The following CSMD3 variants were observed in gnomAD, a reference collection of about 807,000 sequenced individuals.
The protein encoded by CSMD3 is CUB and sushi domain-containing protein 3.
Under a neutral mutation model 435.2 loss-of-function variants are expected in CSMD3, and 177 were observed. The ratio of observed to expected loss-of-function variants is 0.41; its 90% CI spans 0.36 to 0.46. CSMD3 has a LOEUF of 0.46. Among genes scored for constraint, CSMD3 ranks in the 20% least tolerant of loss-of-function variants. The probability of loss-of-function intolerance (pLI) is 0.34; values close to 1 mark genes in which losing one functional copy is unlikely to be tolerated. For synonymous variants in CSMD3, 1,656 were observed against 1,520.5 expected (o/e 1.09, Z -2.07); for missense variants, 4,265 against 4,504.6 (o/e 0.95, Z 1.52).
intron 32 of CSMD3, among the ~76,000 whole-genome samples, chr8:112,423,430 T>C (rs1052585326): frequency 3.3e-5 from 5 of 152,218 alleles, no homozygotes; most frequent in Non-Finnish European, 7.3e-5. Context: ...TGCAAAGCAC[T>C]GCACTAATTG....
intron 32 of CSMD3, among the ~76,000 whole-genome samples, chr8:112,452,156 T>A (rs1003955366): frequency 2.0e-5 from 3 of 152,188 alleles, no homozygotes; most frequent in African/African-American, 4.8e-5. Context: ...ATAGTTTAAA[T>A]CTTAGCAAAC....
chr8:113,156,367 T>C (rs941053050), intron 4 of CSMD3, among the ~76,000 whole-genome samples: 12 of 152,120 alleles, frequency 7.9e-5, no homozygotes, highest in African/African-American at 2.9e-4. Context: ...TTCCTTTATA[T>C]CACTCATAAT....
In CSMD3 at chr8:113,275,429, C is replaced by T. The variant is rs192922882; in HGVS notation, c.514+3163G>A. 4.4e-3 allele frequency among the ~76,000 whole-genome samples: 670 copies of T among 152,064 alleles called. 10 individuals carry two copies. Among genetic ancestry groups the T allele is most frequent in the African/African-American group, 0.014 (588 of 41,490 alleles). On this transcript the variant is annotated intron_variant, in intron 3 of 70. Coordinates refer to ENST00000297405, the MANE Select transcript of CSMD3 (RefSeq NM_198123.2). The stretch of plus-strand genomic sequence containing the variant: ...TTACAATGCATATTCCAGGGCTCCA[C>T]GGCAGAGTCTGACTCAGAATATGTA...
rs1407267014 is a variant in CSMD3, at chr8:112,472,710, A to G, written c.5279-3T>C. On this transcript the variant is annotated splice_region_variant and splice_polypyrimidine_tract_variant and intron_variant, in intron 31 of 70. Transcript: ENST00000297405. Reference sequence around the variant, plus strand: ...TGTTGAACGACTTCCACAGGGCGCTAGGAAAAAATGGCAAAAATATCATTT... The same window carrying G: ...TGTTGAACGACTTCCACAGGGCGCTGGGAAAAAATGGCAAAAATATCATTT... 2.6e-6 allele frequency: 4 copies of G among 1,557,434 alleles called. No individual in the cohort carries two copies. The highest frequency in any genetic ancestry group is 1.1e-5 in the South Asian group (1 of 90,060).
intron 4 of CSMD3, among the ~76,000 whole-genome samples, chr8:113,152,721 T>C (rs762106871): frequency 6.6e-6 from 1 of 152,080 alleles, no homozygotes; most frequent in African/African-American, 2.4e-5. Flanking sequence ...GGCTCATGTT[T>C]GTAATCCCAG....
At chr8:112,297,200 C>T (rs1396180400) in intron 53 of CSMD3, among the ~76,000 whole-genome samples, 1 of 144,496 alleles carries the variant, frequency 6.9e-6, no homozygotes, top group African/African-American at 2.5e-5. Context: ...GAAAAAATCA[C>T]CTTTGAAATT....
intron 63 of CSMD3, among the ~76,000 whole-genome samples, chr8:112,249,843 T>C (rs1744752071): frequency 2.0e-5 from 3 of 152,072 alleles, no homozygotes; most frequent in African/African-American, 7.2e-5. Context: ...TCAGCCATCA[T>C]CTGTAGAAAC....
At chr8:113,405,767 A>G (rs941539886) in intron 1 of CSMD3, among the ~76,000 whole-genome samples, 21 of 151,830 alleles carry the variant, frequency 1.4e-4, no homozygotes, top group African/African-American at 4.6e-4. Flanking sequence ...CTTAAAAGTT[A>G]TATTCAAAGC....
chr8:113,053,996 C>T (rs1448880411), intron 5 of CSMD3, among the ~76,000 whole-genome samples: 2 of 152,102 alleles, frequency 1.3e-5, no homozygotes, highest in Non-Finnish European at 2.9e-5. Context: ...TGGTGGTCTG[C>T]CATGCCTCTG....
intron 22 of CSMD3, among the ~76,000 whole-genome samples, chr8:112,627,354 C>T (rs974226835): frequency 6.6e-6 from 1 of 151,992 alleles, no homozygotes; most frequent in African/African-American, 2.4e-5. Context: ...AAGAGGTCAC[C>T]CAGAGTTTAG....
At chr8:112,680,859 ATCT>A (rs950495715) in intron 16 of CSMD3, among the ~76,000 whole-genome samples, 3 of 152,176 alleles carry the variant, frequency 2.0e-5, no homozygotes, top group South Asian at 2.1e-4. Context: ...TACATATTAA[ATCT>A]TCTCAATTTA....
chr8:112,662,312 T>C lies in CSMD3; in HGVS notation c.2816+3965A>G, dbSNP rs183236442. Among the ~76,000 whole-genome samples the C allele has an allele frequency of 3.9e-3, 599 of 152,238 alleles. 4 individuals are homozygous for C. The highest frequency in any genetic ancestry group is 0.013 in the African/African-American group (530 of 41,526). ...AGTAACCAAAACAGCATGGTACTGG[T>C]ACCAAAACAAAGATATAGACCAACG... On this transcript the variant is annotated intron_variant, in intron 17 of 70. Coordinates refer to ENST00000297405, the MANE Select transcript of CSMD3 (RefSeq NM_198123.2).
chr8:113,356,193 C>A (rs1043130390), intron 1 of CSMD3, among the ~76,000 whole-genome samples: 1 of 151,956 alleles, frequency 6.6e-6, no homozygotes, highest in African/African-American at 2.4e-5. Flanking sequence ...TGCCTTTCTC[C>A]ACCAAAATTT....
At chr8:112,699,246 C>G (rs1210014521) in intron 13 of CSMD3, among the ~76,000 whole-genome samples, 1 of 152,134 alleles carries the variant, frequency 6.6e-6, no homozygotes, top group Non-Finnish European at 1.5e-5. Context: ...TCTGCAGCTT[C>G]ACTCCTGAAG....
At chr8:112,563,898 G>A (rs1263241303) in intron 24 of CSMD3, among the ~76,000 whole-genome samples, 3 of 151,880 alleles carry the variant, frequency 2.0e-5, no homozygotes, top group Admixed American at 1.3e-4. Flanking sequence ...ATGTGCAGAC[G>A]TTGTAACAAG....
chr8:112,226,688 T>C (rs1188201874), intron 70 of CSMD3, among the ~76,000 whole-genome samples: 2 of 152,130 alleles, frequency 1.3e-5, no homozygotes, highest in African/African-American at 2.4e-5. Context: ...CTAAAATATA[T>C]AGAGAACTCT....
intron 38 of CSMD3, among the ~76,000 whole-genome samples, chr8:112,373,791 C>T (rs200369894): frequency 8.6e-5 from 13 of 152,010 alleles, no homozygotes; most frequent in East Asian, 3.9e-4. Flanking sequence ...ATTGGGCGGG[C>T]GGGAATCGAT....
intron 28 of CSMD3, among the ~76,000 whole-genome samples, chr8:112,513,706 T>C (rs1389936898): frequency 6.6e-6 from 1 of 152,120 alleles, no homozygotes; most frequent in Non-Finnish European, 1.5e-5. Context: ...AAACGTAATA[T>C]CTGTGGCATG....
chr8:112,941,235 A>G (rs1426509692), intron 9 of CSMD3, among the ~76,000 whole-genome samples: 1 of 151,920 alleles, frequency 6.6e-6, no homozygotes, highest in East Asian at 1.9e-4. Flanking sequence ...CCAGAAAATC[A>G]GATATATTTG....
Sources: allele counts gnomAD v4.1 joint callset (sites outside exome capture counted in the v4.1 genomes callset), GRCh38; gene constraint gnomAD v4.1.1; transcripts MANE v1.5; gene names NCBI Gene and HGNC (gene_info 2026-07-23, HGNC 2026-07-21).